The following ADGRL3 variants were observed in gnomAD, a reference collection of about 807,000 sequenced individuals.
The protein encoded by ADGRL3 is adhesion G protein-coupled receptor L3.
Under a neutral mutation model 153.5 loss-of-function variants are expected in ADGRL3, and 62 were observed. The ratio of observed to expected loss-of-function variants is 0.40; its 90% confidence interval spans 0.33 to 0.50. ADGRL3 has a LOEUF of 0.50. Among genes scored for constraint, ADGRL3 ranks in the 20% least tolerant of loss-of-function variants. ADGRL3 has a pLI of 0.47. For synonymous variants in ADGRL3, 710 were observed against 672.5 expected, an observed-to-expected ratio of 1.06 and a Z score of -0.86; for missense variants, 1,641 against 1,859.4, an observed-to-expected ratio of 0.88 and a Z score of 2.16.
At chr4:62,044,326 A>T (rs1164380746) in intron 24 of ADGRL3, 127 bp from the exon 25 acceptor site, 1 of 654,502 alleles carries the variant, frequency 1.5e-6, no homozygotes, top group East Asian at 2.7e-5. Flanking sequence ...GCAAACATGT[A>T]GTTGTCTATT....
chr4:61,462,602 T>C (rs535364415), intron 2 of ADGRL3, among the ~76,000 whole-genome samples: 9 of 151,980 alleles, frequency 5.9e-5, no homozygotes, highest in Non-Finnish European at 1.2e-4. Context: ...CGTGCTACTT[T>C]CCCTTAATAA....
At chr4:61,758,185 C>T (rs908707581) in intron 8 of ADGRL3, among the ~76,000 whole-genome samples, 3 of 152,058 alleles carry the variant, frequency 2.0e-5, no homozygotes, top group African/African-American at 7.2e-5. Flanking sequence ...TGATTCAATT[C>T]CTGGATATCC....
intron 1 of ADGRL3, among the ~76,000 whole-genome samples, chr4:61,289,061 G>A (rs1202596244): frequency 1.3e-5 from 2 of 151,752 alleles, no homozygotes; most frequent in South Asian, 2.1e-4. Context: ...ATAAGTTAAC[G>A]CAATATAGAG....
At chr4:62,009,837 A>G (rs1029565615) in intron 21 of ADGRL3, among the ~76,000 whole-genome samples, 2 of 152,044 alleles carry the variant, frequency 1.3e-5, no homozygotes, top group African/African-American at 4.8e-5. Flanking sequence ...GGATGCCCAC[A>G]TTTTGCTCAG....
intron 4 of ADGRL3, among the ~76,000 whole-genome samples, chr4:61,525,435 G>A (rs560590132): frequency 6.6e-6 from 1 of 152,102 alleles, no homozygotes; most frequent in Non-Finnish European, 1.5e-5. Flanking sequence ...AGTTTGAAAG[G>A]CAGTTTGTAG....
chr4:61,535,588 T>C (rs182047127), intron 4 of ADGRL3, among the ~76,000 whole-genome samples: 85 of 152,076 alleles, frequency 5.6e-4, no homozygotes, highest in African/African-American at 1.7e-3. Context: ...TGTTGGTAGT[T>C]TTTTTTACTA....
intron 9 of ADGRL3, among the ~76,000 whole-genome samples, chr4:61,844,575 A>AAAAAATAT (rs1554045137): frequency 1.1e-4 from 2 of 18,106 alleles, no homozygotes; most frequent in African/African-American, 2.6e-4. Flanking sequence ...AAAAAAAAAA[A>AAAAAATAT]ATATATATAT....
At chr4:61,303,866 T>C (rs2094672498) in intron 1 of ADGRL3, among the ~76,000 whole-genome samples, 1 of 152,158 alleles carries the variant, frequency 6.6e-6, no homozygotes, top group Admixed American at 6.5e-5. Context: ...AACACAAATC[T>C]GACAGAAAAA....
chr4:61,739,742 C>A (rs558570708), intron 8 of ADGRL3, among the ~76,000 whole-genome samples: 2 of 152,186 alleles, frequency 1.3e-5, no homozygotes, highest in Non-Finnish European at 2.9e-5. Flanking sequence ...CCACCAGCTT[C>A]TCCCTTGCTT....
intron 1 of ADGRL3, among the ~76,000 whole-genome samples, chr4:61,299,945 T>A (rs1417136267): frequency 6.6e-6 from 1 of 152,182 alleles, no homozygotes; most frequent in Non-Finnish European, 1.5e-5. Flanking sequence ...CTGTCTTATT[T>A]ATTATCAGAT....
In ADGRL3 at chr4:61,346,642, G is replaced by T. The variant is rs2095916516; in HGVS notation, c.-239-36482G>T. ...AAAAAAAAAATAGCCAGACATGGTG[G>T]CTCATGACTATTGTCCCGGCTACTC... On this transcript the variant is annotated intron_variant, in intron 1 of 26. Coordinates refer to ENST00000683033, the MANE Select transcript of ADGRL3 (RefSeq NM_001387552.1). Among the ~76,000 whole-genome samples the T allele has an allele frequency of 2.0e-5, 3 of 151,554 alleles. No homozygotes were observed. The South Asian group carries it at 6.3e-4, about 32-fold the overall frequency.
intron 9 of ADGRL3, among the ~76,000 whole-genome samples, chr4:61,827,389 G>C (rs1466453692): frequency 2.0e-5 from 3 of 152,076 alleles, no homozygotes; most frequent in Non-Finnish European, 2.9e-5. Flanking sequence ...ACTGATGTGG[G>C]GCGAAGTGGG....
At chr4:61,741,892 T>C (rs767076492) in intron 8 of ADGRL3, among the ~76,000 whole-genome samples, 9 of 152,232 alleles carry the variant, frequency 5.9e-5, no homozygotes, top group Admixed American at 1.3e-4. Flanking sequence ...TGTATAATTG[T>C]TAGACATGAA....
At chr4:61,929,309 T>C (rs2098807412) in intron 13 of ADGRL3, among the ~76,000 whole-genome samples, 1 of 151,922 alleles carries the variant, frequency 6.6e-6, no homozygotes, top group South Asian at 2.1e-4. Context: ...GATCTTGAGC[T>C]TCTCAGCTTC....
chr4:61,367,633 A>G (rs1375140495), intron 1 of ADGRL3, among the ~76,000 whole-genome samples: 1 of 147,440 alleles, frequency 6.8e-6, no homozygotes, highest in African/African-American at 2.5e-5. Flanking sequence ...AATCCAGTCT[A>G]TCATTGTTGG....
At chr4:61,557,149 A>T (rs1220753323) in intron 4 of ADGRL3, among the ~76,000 whole-genome samples, 1 of 152,120 alleles carries the variant, frequency 6.6e-6, no homozygotes, top group African/African-American at 2.4e-5. Flanking sequence ...TTCAGGTGAA[A>T]AGTTTATAAA....
chr4:61,390,271 C>A (rs2096786983), intron 2 of ADGRL3, among the ~76,000 whole-genome samples: 1 of 152,120 alleles, frequency 6.6e-6, no homozygotes, highest in South Asian at 2.1e-4. Context: ...GTAGCCCAGT[C>A]AAAATCTTGT....
intron 2 of ADGRL3, chr4:61,385,775 A>C (rs2096728740): frequency 1.3e-5 from 2 of 152,190 alleles, no homozygotes; most frequent in Admixed American, 1.3e-4. Flanking sequence ...GTACCAAATA[A>C]ACTATTATAT....
chr4:61,868,748 CT>C, intron 9 of ADGRL3, among the ~76,000 whole-genome samples: 2 of 152,244 alleles, frequency 1.3e-5, no homozygotes, highest in Non-Finnish European at 2.9e-5. Flanking sequence ...AATTAAAGTC[CT>C]TGGCAAGGCA....
Sources: gnomAD v4.1 joint callset for allele counts (sites outside exome capture counted in the v4.1 genomes callset) on GRCh38, gnomAD v4.1.1 for gene constraint, MANE v1.5 for transcripts, NCBI Gene and HGNC (gene_info 2026-07-23, HGNC 2026-07-21) for gene names.